The following RSKR variants were observed in gnomAD, a reference collection of about 807,000 sequenced individuals.
The protein encoded by RSKR is ribosomal protein S6 kinase-related protein.
RSKR carries 44 observed loss-of-function variants against 56.8 expected under a neutral mutation model. The ratio of observed to expected loss-of-function variants is 0.77; its 90% CI spans 0.61 to 1.00. RSKR has a LOEUF of 1.00. Among genes scored for constraint, RSKR ranks in the 50% least tolerant of loss-of-function variants. The pLI is 0.00. For synonymous variants in RSKR, 181 were observed against 188.0 expected (o/e 0.96, Z 0.30); for missense variants, 510 against 506.9 (o/e 1.01, Z -0.06).
intron 6 of RSKR, 72 bp from the exon 7 acceptor site, chr17:28,612,156 A>G: frequency 6.3e-7 from 1 of 1,588,722 alleles, no homozygotes; most frequent in East Asian, 2.2e-5. Context: ...CCCTCATCCC[A>G]TCCCTATCCT....
rs1174683409 is a variant in RSKR at position 28,611,878 on chromosome 17, G to A, written c.694-83C>T. The A allele has an allele frequency of 2.5e-6, 4 of 1,612,074 alleles. No homozygotes were observed. In the African/African-American group the frequency reaches 4.0e-5, roughly 16 times the overall value. The stretch of plus-strand genomic sequence containing the variant: ...TGTATACACCCCAGCTGAAGGTGAT[G>A]CCCTACTCAGCACTCAAATCTATAC... On this transcript the variant is annotated intron_variant, in intron 7 of 11. Transcript: ENST00000301037.
Position 28,614,115 on chromosome 17 carries a change from TC to T in RSKR, c.46del (p.Glu16AsnfsTer54). On this transcript the variant is annotated frameshift_variant, in exon 1 of 12. Transcript: ENST00000301037. LOFTEE classifies it high-confidence loss of function. ...GTGAGGGACAGCCACCCGGGTGTGT[TC>T]CCCCTGCTGGGTGTGCTGCCCCTGC... ...CRQGQHTQQGEHTRVAVPHKQ... is the reference protein window; with the variant it reads ...CRQGQHTQQGXHTRVAVPHKQ... 6.2e-7 allele frequency: 1 copy of T among 1,613,616 alleles called. No individual in the cohort carries two copies. Among genetic ancestry groups the T allele is most frequent in the Non-Finnish European group, 8.5e-7 (1 of 1,179,928 alleles).
At chr17:28,612,718 G>A (rs1468807635) in intron 4 of RSKR, 31 bp from the exon 5 acceptor site, 1 of 1,607,906 alleles carries the variant, frequency 6.2e-7, no homozygotes, top group Non-Finnish European at 8.5e-7. Flanking sequence ...AAGTTAGGGA[G>A]GAACAGGGTC....
At chr17:28,611,727 A>G in intron 8 of RSKR, 41 bp downstream of exon 8, 1 of 1,613,990 alleles carries the variant, frequency 6.2e-7, no homozygotes. Flanking sequence ...CCCAAACCAA[A>G]GTACCTCTCA....
chr17:28,613,786 T>C, intron 1 of RSKR, 98 bp from the exon 2 acceptor site: 2 of 1,510,792 alleles, frequency 1.3e-6, no homozygotes, highest in African/African-American at 2.8e-5. Context: ...TCTCAACCCC[T>C]AGAGGTACAT....
rs1033237561 is a variant in RSKR at position 28,610,301 on chromosome 17, G to A, written c.*177C>T. 1 of 613,638 alleles carries A rather than the reference G, an allele frequency of 1.6e-6. No individual in the cohort carries two copies. Among genetic ancestry groups the A allele is most frequent in the African/African-American group, 1.8e-5 (1 of 54,184 alleles). 38.0% of individuals were successfully genotyped at this position (613,638 alleles called of 1,614,324 possible). A position where few individuals can be genotyped will look rare whatever the true frequency, so the allele number is the denominator to read the frequency against. ...GTATGATAGGGAAGGAATAGGGCCA[G>A]CTGTGGCTGCCAGTAGCAGAATGTC... is the stretch of plus-strand genomic sequence containing the variant. On this transcript the variant is annotated 3_prime_UTR_variant, in exon 12 of 12. Transcript: ENST00000301037.
At position 28,612,284 on chromosome 17, in the gene RSKR, A is replaced by C. The variant is rs575876811; in HGVS notation, c.630T>G (p.Ala210=). 1.4e-4 allele frequency: 224 copies of C among 1,614,090 alleles called. No homozygotes were observed. The highest frequency in any genetic ancestry group is 1.8e-4 in the Non-Finnish European group (208 of 1,180,050). Residue 210 remains alanine, a synonymous_variant, in exon 6 of 12, where the codon GCT becomes GCG. Transcript: ENST00000301037. ...TACACAGTACCAGCACCAACTCGGC[A>C]GCAAAGAGACGGATGGAAGCCTCAG... ...CFPEASIRLF[A]AELVLVLCYL...
rs757892735 is a variant in RSKR, at chr17:28,611,216, A to C, written c.938T>G (p.Leu313Trp). ...VAAERDHVAMLASVTHSDSEI... is the reference protein window; with the variant it reads ...VAAERDHVAMWASVTHSDSEI... ...AGAGTCACTGTGGGTCACACTTGCC[A>C]ACATGGCCACATGATCTCTCTCTGC... The change falls in exon 11 of 12, where the codon TTG becomes TGG. Residue 313 changes from leucine to tryptophan, a missense_variant. Coordinates refer to ENST00000301037, the MANE Select transcript of RSKR (RefSeq NM_001174103.2). 40 of 1,536,152 alleles carry C rather than the reference A, an allele frequency of 2.6e-5. No homozygotes were observed. The South Asian group carries it at 4.6e-4, about 18-fold the overall frequency.
Position 28,611,443 on chromosome 17 carries a change from C to T in RSKR, c.850G>A (p.Ala284Thr). 6.2e-7 allele frequency: 1 copy of T among 1,605,950 alleles called. No individual in the cohort carries two copies. The highest frequency in any genetic ancestry group is 1.1e-5 in the South Asian group (1 of 90,938). ...AAGACACCCAGGGACCACCAATCAG[C>T]AGCATGGTTGTAAGGTCCTCCACTT... ...VLSGGPYNHAADWWSLGVLLF... is the reference protein window; with the variant it reads ...VLSGGPYNHATDWWSLGVLLF... The change falls in exon 10 of 12, where the codon GCT becomes ACT. Residue 284 changes from alanine (A) to threonine (T), a missense_variant. Transcript: ENST00000301037.
In RSKR at chr17:28,614,072, A is replaced by G. The variant is rs367795075; in HGVS notation, c.75+15T>C. On this transcript the variant is annotated intron_variant, in intron 1 of 11. Coordinates refer to ENST00000301037, the MANE Select transcript of RSKR (RefSeq NM_001174103.2). ...TCTCCTCCCCTCAGTAGGCTGCCAG[A>G]GCCCCACAGCCTACCTTGTGAGGGA... 9.9e-6 allele frequency: 16 copies of G among 1,610,156 alleles called. No homozygotes were observed. Among genetic ancestry groups the G allele is most frequent in the Non-Finnish European group, 1.4e-5 (16 of 1,177,244 alleles).
intron 11 of RSKR, 80 bp from the exon 12 acceptor site, chr17:28,610,779 G>T: frequency 7.4e-7 from 1 of 1,352,984 alleles, no homozygotes; most frequent in Non-Finnish European, 1.0e-6. Context: ...GAAGAAAGAA[G>T]TTCATGGAGC....
intron 5 of RSKR, 118 bp downstream of exon 5, chr17:28,612,500 C>T: frequency 7.2e-7 from 1 of 1,386,916 alleles, no homozygotes; most frequent in Non-Finnish European, 1.0e-6. Context: ...CCCTTTGGGA[C>T]AGAGAGGTGC....
In RSKR at chr17:28,610,648, C is replaced by T; in HGVS notation, c.1063G>A (p.Val355Ile). 1 of 1,535,926 alleles carries T rather than the reference C, an allele frequency of 6.5e-7. No homozygotes were observed. Among genetic ancestry groups the T allele is most frequent in the Non-Finnish European group, 8.7e-7 (1 of 1,146,884 alleles). The change falls in exon 12 of 12, where the codon GTC becomes ATC. Residue 355 changes from valine (V) to isoleucine (I), a missense_variant. By Grantham distance (29) the Val-to-Ile change is conservative. Transcript: ENST00000301037. ...HRLRYLHHFQ[V>I]HPFFRGVAFD... ...GCCACACCCCGAAAGAAAGGGTGGACCTGGAAGTGATGCAGATAACGTAGA... is the reference window on the plus strand; with the variant it reads ...GCCACACCCCGAAAGAAAGGGTGGATCTGGAAGTGATGCAGATAACGTAGA...
At chr17:28,611,040 C>T in intron 11 of RSKR, 103 bp downstream of exon 11, 1 of 1,055,924 alleles carries the variant, frequency 9.5e-7, no homozygotes, top group Non-Finnish European at 1.4e-6. Flanking sequence ...GTTGGAGCCC[C>T]CTCAAAAAAA....
chr17:28,613,232 CAG>C (rs1597609198), intron 3 of RSKR, 28 bp downstream of exon 3: 13 of 1,613,872 alleles, frequency 8.1e-6, no homozygotes, highest in African/African-American at 1.3e-5. Flanking sequence ...AGATTGGAAA[CAG>C]AGACTAATGT....
chr17:28,612,388 A>ACTG, intron 5 of RSKR, 22 bp from the exon 6 acceptor site: 1 of 1,609,104 alleles, frequency 6.2e-7, no homozygotes, highest in Non-Finnish European at 8.5e-7. Context: ...GTGTGGAGCT[A>ACTG]CATACATTGC....
intron 4 of RSKR, 91 bp from the exon 5 acceptor site, chr17:28,612,778 G>A: frequency 8.2e-7 from 1 of 1,226,684 alleles, no homozygotes; most frequent in Non-Finnish European, 1.2e-6. Context: ...GATGTGCAGA[G>A]GGGGAACTGC....
At position 28,613,693 on chromosome 17, in the gene RSKR, G is replaced by C. The variant is rs1294155000; in HGVS notation, c.76-5C>G. 6.2e-7 allele frequency: 1 copy of C among 1,613,636 alleles called. No individual in the cohort carries two copies. Among genetic ancestry groups the C allele is most frequent in the East Asian group, 2.2e-5 (1 of 44,868 alleles). ...ACCCCGGATGTTGCCACCCTGCTGA[G>C]AACCAAGGGAGCCACTCTAAACTTT... On this transcript the variant is annotated splice_polypyrimidine_tract_variant and splice_region_variant and intron_variant, in intron 1 of 11. Transcript: ENST00000301037.
rs747677819 is a variant in RSKR, at chr17:28,610,578, G to A, written c.1133C>T (p.Thr378Met). 145 of 1,536,022 alleles carry A rather than the reference G, an allele frequency of 9.4e-5. No individual in the cohort carries two copies. The East Asian group carries it at 1.8e-3, about 19-fold the overall frequency. ...ACTGGGCTGGGTAGCTTGTGTCTCC[G>A]TGACAAAGTTCACTGGCTGCTTCTG... The part of the protein sequence containing the change: ...LLQKQPVNFV[T>M]ETQATQPSSA... Residue 378 changes from threonine (T) to methionine (M), a missense_variant, in exon 12 of 12, where the codon ACG (threonine) becomes ATG (methionine). Physicochemically the swap from Thr to Met is moderately conservative, Grantham distance 81 (BLOSUM62 -1). Coordinates refer to ENST00000301037, the MANE Select transcript of RSKR (RefSeq NM_001174103.2).
Sources: gnomAD v4.1 joint callset for allele counts on GRCh38, gnomAD v4.1.1 for gene constraint, MANE v1.5 for transcripts, NCBI Gene and HGNC (gene_info 2026-07-23, HGNC 2026-07-21) for gene names.